LRMDA: variants seen among roughly 807,000 people sequenced by gnomAD.
LRMDA encodes leucine rich melanocyte differentiation associated, also known as leucine-rich melanocyte differentiation-associated protein.
Under a neutral mutation model 29.8 loss-of-function variants are expected in LRMDA, and 18 were observed. That is an observed-to-expected ratio of 0.60 (90% CI 0.42 to 0.90). The LOEUF is 0.90. Ranked by LOEUF, LRMDA falls within the 40% of genes least tolerant of loss-of-function variation. LRMDA has a pLI of 0.00. For missense variants in LRMDA, 273 were observed against 273.9 expected (o/e 1.00, Z 0.02); for synonymous variants, 125 against 109.4 (o/e 1.14, Z -0.89).
At chr10:75,714,196 G>T (rs1442914351) in intron 2 of LRMDA, among the ~76,000 whole-genome samples, 1 of 152,188 alleles carries the variant, frequency 6.6e-6, no homozygotes. Context: ...GTTAAAAAAA[G>T]AAATTAATAA....
intron 5 of LRMDA, among the ~76,000 whole-genome samples, chr10:76,266,399 A>C (rs146230247): frequency 8.9e-4 from 135 of 152,312 alleles, no homozygotes; most frequent in Non-Finnish European, 1.6e-3. Flanking sequence ...CTTATTTATC[A>C]ACTCTTCTTT....
rs541986851 is a variant in LRMDA at position 76,089,601 on chromosome 10, C to T, written c.516+30818C>T. 3.6e-4 allele frequency among the ~76,000 whole-genome samples: 55 copies of T among 152,168 alleles called. 1 individual carries two copies. The highest frequency in any genetic ancestry group is 1.1e-3 in the African/African-American group (47 of 41,516). The stretch of plus-strand genomic sequence containing the variant: ...CATCCTTGTCTGTTATGCTTGGAGG[C>T]GACAGCTCTGCATGAACCCATTAAC... On this transcript the variant is annotated intron_variant, in intron 5 of 6. Transcript: ENST00000611255.
At chr10:76,133,768 C>G (rs958279714) in intron 5 of LRMDA, among the ~76,000 whole-genome samples, 1 of 152,072 alleles carries the variant, frequency 6.6e-6, no homozygotes, top group Non-Finnish European at 1.5e-5. Flanking sequence ...TACACTTTGT[C>G]AACCGCTCAT....
intron 6 of LRMDA, among the ~76,000 whole-genome samples, chr10:76,383,469 G>A (rs1430576383): frequency 1.4e-5 from 2 of 140,778 alleles, no homozygotes; most frequent in Non-Finnish European, 3.0e-5. Flanking sequence ...TGTCGCCCAG[G>A]CCGGACTGCG....
intron 2 of LRMDA, among the ~76,000 whole-genome samples, chr10:75,810,932 G>A (rs899270619): frequency 6.6e-6 from 1 of 152,144 alleles, no homozygotes; most frequent in Non-Finnish European, 1.5e-5. Flanking sequence ...TTCCAGATGA[G>A]AATAATATGG....
chr10:75,583,896 TTGA>T (rs1462397274), intron 2 of LRMDA, among the ~76,000 whole-genome samples: 22 of 152,186 alleles, frequency 1.4e-4, no homozygotes, highest in African/African-American at 4.3e-4. Flanking sequence ...AGGCCTATGG[TTGA>T]TGCCTCCCTG....
At position 76,360,003 on chromosome 10, in the gene LRMDA, TA is replaced by T. The variant is rs1564519672; in HGVS notation, c.601+35519del. The stretch of plus-strand genomic sequence containing the variant: ...CATTTCTTTTTCTTTTGTTTTTTTT[TA>T]TTTTTTTGAGACGCAGTTTCGCTCT... On this transcript the variant is annotated intron_variant, in intron 6 of 6. Transcript: ENST00000611255. Among the ~76,000 whole-genome samples the T allele has an allele frequency of 1.2e-4, 18 of 152,240 alleles. 1 individual carries two copies. The South Asian group carries it at 3.3e-3, about 28-fold the overall frequency.
At chr10:75,508,266 T>C (rs75628636) in intron 2 of LRMDA, among the ~76,000 whole-genome samples, 19 of 134,284 alleles carry the variant, frequency 1.4e-4, no homozygotes, top group East Asian at 6.7e-4. Flanking sequence ...GGTGTTTTTT[T>C]CCCCCCCTCT....
intron 1 of LRMDA, among the ~76,000 whole-genome samples, chr10:75,437,185 A>G (rs532934869): frequency 6.6e-6 from 1 of 152,318 alleles, no homozygotes; most frequent in Admixed American, 6.5e-5. Flanking sequence ...TGCAGCTTGT[A>G]TTAGGTTGCA....
At chr10:76,376,972 A>G (rs1026082980) in intron 6 of LRMDA, among the ~76,000 whole-genome samples, 4 of 131,350 alleles carry the variant, frequency 3.0e-5, no homozygotes, top group Non-Finnish European at 4.6e-5. Context: ...TGGAAGCTCC[A>G]CCACCTGGGT....
intron 5 of LRMDA, among the ~76,000 whole-genome samples, chr10:76,152,458 A>C (rs751275162): frequency 9.9e-5 from 15 of 152,218 alleles, no homozygotes; most frequent in Admixed American, 3.3e-4. Context: ...CATTTTGGCT[A>C]TGATGAATAA....
At chr10:75,666,067 A>G (rs1442755741) in intron 2 of LRMDA, among the ~76,000 whole-genome samples, 1 of 152,202 alleles carries the variant, frequency 6.6e-6, no homozygotes, top group African/African-American at 2.4e-5. Flanking sequence ...TGTAAGAATT[A>G]TGATTTTACC....
At chr10:76,055,749 A>G (rs913443207) in intron 4 of LRMDA, among the ~76,000 whole-genome samples, 6 of 152,258 alleles carry the variant, frequency 3.9e-5, no homozygotes, top group Non-Finnish European at 1.5e-5. Flanking sequence ...GTGAGGCTGC[A>G]TCTGGACCAG....
At chr10:75,835,388 G>A (rs1230246999) in intron 2 of LRMDA, among the ~76,000 whole-genome samples, 4 of 151,996 alleles carry the variant, frequency 2.6e-5, no homozygotes, top group Non-Finnish European at 5.9e-5. Context: ...AAGTACTATT[G>A]TGATGACATT....
intron 5 of LRMDA, among the ~76,000 whole-genome samples, chr10:76,258,664 T>C (rs941264064): frequency 2.0e-5 from 3 of 152,160 alleles, no homozygotes; most frequent in African/African-American, 7.2e-5. Context: ...TTCATTTCTA[T>C]GAGATCATCT....
chr10:76,162,084 C>T (rs1390145261), intron 5 of LRMDA, among the ~76,000 whole-genome samples: 1 of 152,152 alleles, frequency 6.6e-6, no homozygotes, highest in East Asian at 1.9e-4. Context: ...AAGCTAATAA[C>T]CCAAAATGTT....
intron 2 of LRMDA, among the ~76,000 whole-genome samples, chr10:75,515,374 A>T (rs1051918448): frequency 3.9e-5 from 6 of 152,136 alleles, no homozygotes; most frequent in African/African-American, 1.4e-4. Flanking sequence ...TAATTTAATT[A>T]AAAAAATTTT....
chr10:76,349,674 G>A (rs891066331), intron 6 of LRMDA, among the ~76,000 whole-genome samples: 2 of 152,056 alleles, frequency 1.3e-5, no homozygotes, highest in Non-Finnish European at 2.9e-5. Flanking sequence ...CAGTGGTTCA[G>A]CAAAATTTAA....
intron 2 of LRMDA, among the ~76,000 whole-genome samples, chr10:75,907,586 G>A (rs572217879): frequency 6.6e-6 from 1 of 152,172 alleles, no homozygotes; most frequent in African/African-American, 2.4e-5. Context: ...TGAAGGTTAT[G>A]GCTGACATTA....
Sources: gnomAD v4.1 joint callset for allele counts (sites outside exome capture counted in the v4.1 genomes callset) on GRCh38, gnomAD v4.1.1 for gene constraint, MANE v1.5 for transcripts, NCBI Gene and HGNC (gene_info 2026-07-23, HGNC 2026-07-21) for gene names.